Variants in JMJD1C observed in about 807,000 individuals in gnomAD.
JMJD1C encodes jumonji domain-containing protein 1C.
In JMJD1C, 31 loss-of-function variants were observed where a neutral mutation model predicts 245.3. The ratio of observed to expected loss-of-function variants is 0.13; its 90% CI spans 0.09 to 0.17. The LOEUF is 0.17. JMJD1C is among the 10% of genes least tolerant of loss of function. JMJD1C has a pLI of 1.00. For missense variants in JMJD1C, 2,691 were observed against 3,000.2 expected (o/e 0.90, Z 2.41); for synonymous variants, 1,057 against 1,017.4 (o/e 1.04, Z -0.74).
upstream of JMJD1C, among the ~76,000 whole-genome samples, chr10:63,469,651 A>G (rs1373394462): frequency 6.6e-6 from 1 of 152,194 alleles, no homozygotes; most frequent in Non-Finnish European, 1.5e-5. Flanking sequence ...TATTTAATTA[A>G]GGAACTATCA....
intron 1 of JMJD1C, among the ~76,000 whole-genome samples, chr10:63,516,021 A>G (rs1329805677): frequency 6.8e-6 from 1 of 146,308 alleles, no homozygotes; most frequent in Non-Finnish European, 1.6e-5. Flanking sequence ...CAAGAATATA[A>G]TACCTTTATC....
intron 2 of JMJD1C, among the ~76,000 whole-genome samples, chr10:63,272,256 C>G (rs924560548): frequency 6.6e-6 from 1 of 151,834 alleles, no homozygotes; most frequent in African/African-American, 2.4e-5. Flanking sequence ...CAGAAGGTAA[C>G]TTTATTTTTT....
intron 1 of JMJD1C, among the ~76,000 whole-genome samples, chr10:63,513,678 C>T (rs951202852): frequency 2.0e-5 from 3 of 152,072 alleles, no homozygotes; most frequent in Non-Finnish European, 4.4e-5. Context: ...TTTGGGAGGC[C>T]GAGACAGGCG....
At chr10:63,242,874 C>CAT (rs1851660950) in intron 3 of JMJD1C, among the ~76,000 whole-genome samples, 1 of 151,758 alleles carries the variant, frequency 6.6e-6, no homozygotes, top group Non-Finnish European at 1.5e-5. Flanking sequence ...AAAGTGTTTT[C>CAT]ATATATATTA....
chr10:63,287,935 C>T (rs548828841), intron 2 of JMJD1C, among the ~76,000 whole-genome samples: 73 of 152,148 alleles, frequency 4.8e-4, no homozygotes, highest in African/African-American at 1.2e-3. Flanking sequence ...TCAGTAGAGA[C>T]GGAGTTTTGC....
At position 63,176,301 on chromosome 10, in the gene JMJD1C, T is replaced by C. The variant is rs765036001; in HGVS notation, c.7397A>G (p.His2466Arg). ...TAGAAATAAGTTTGTATATACCTGA[T>C]GAAGTGCTCCCGCTGGCAAAACAAT... ...DAIVLPAGAL[H>R]QVQNFHSCIQ... The change falls in exon 24 of 26, where the codon CAT (histidine) becomes CGT (arginine). Residue 2466 changes from histidine to arginine, a missense_variant. Physicochemically the swap from His to Arg is conservative, Grantham distance 29. This residue lies in a region of JMJD1C where 232 missense variants were observed against 416.1 expected (regional missense o/e 0.56). Coordinates refer to ENST00000399262, the MANE Select transcript of JMJD1C (RefSeq NM_032776.3). 1.1e-5 allele frequency: 17 copies of C among 1,610,928 alleles called. No individual in the cohort carries two copies. Among genetic ancestry groups the C allele is most frequent in the Non-Finnish European group, 1.3e-5 (15 of 1,178,438 alleles).
At chr10:63,195,309 G>GC (rs1297268427) in intron 13 of JMJD1C, among the ~76,000 whole-genome samples, 2 of 148,836 alleles carry the variant, frequency 1.3e-5, no homozygotes, top group Non-Finnish European at 1.5e-5. Flanking sequence ...AGCCGAGATC[G>GC]CGCCATTGCA....
chr10:63,359,333 T>C (rs1465854616), intron 2 of JMJD1C, among the ~76,000 whole-genome samples: 1 of 152,264 alleles, frequency 6.6e-6, no homozygotes, highest in Non-Finnish European at 1.5e-5. Context: ...ACATATTATG[T>C]TCATACATTT....
chr10:63,434,642 C>T (rs577313651), intron 1 of JMJD1C, among the ~76,000 whole-genome samples: 4 of 152,040 alleles, frequency 2.6e-5, no homozygotes, highest in Non-Finnish European at 5.9e-5. Flanking sequence ...CTTTGGGAGG[C>T]CAAGGCGGGA....
intron 1 of JMJD1C, among the ~76,000 whole-genome samples, chr10:63,418,557 C>T (rs1033802296): frequency 6.6e-6 from 1 of 152,098 alleles, no homozygotes. Flanking sequence ...TTTCTTAAAG[C>T]CATGCCAAAA....
chr10:63,442,715 T>C (rs1164948019), intron 1 of JMJD1C, among the ~76,000 whole-genome samples: 1 of 152,196 alleles, frequency 6.6e-6, no homozygotes, highest in Non-Finnish European at 1.5e-5. Flanking sequence ...CTCTTACCCA[T>C]CCTTTATATA....
intron 2 of JMJD1C, among the ~76,000 whole-genome samples, chr10:63,376,871 C>A (rs1298522683): frequency 6.6e-6 from 1 of 152,090 alleles, no homozygotes; most frequent in East Asian, 1.9e-4. Flanking sequence ...GAAAGTGCCT[C>A]AAAAAATTAA....
At chr10:63,241,533 T>TA (rs981037781) in intron 3 of JMJD1C, among the ~76,000 whole-genome samples, 1 of 152,172 alleles carries the variant, frequency 6.6e-6, no homozygotes, top group Non-Finnish European at 1.5e-5. Flanking sequence ...TTAATCAGAA[T>TA]AAAAAATAAA....
intron 2 of JMJD1C, among the ~76,000 whole-genome samples, chr10:63,291,094 T>TA (rs965956525): frequency 7.2e-6 from 1 of 138,666 alleles, no homozygotes; most frequent in Non-Finnish European, 1.6e-5. Flanking sequence ...ATCACGAGGT[T>TA]AGGAGTTCAA....
intron 1 of JMJD1C, among the ~76,000 whole-genome samples, chr10:63,458,717 T>TC (rs1952578298): frequency 4.2e-4 from 2 of 4,742 alleles, no homozygotes; most frequent in African/African-American, 1.3e-3. Context: ...ATATAGCTTT[T>TC]TTTTTATTTA....
At chr10:63,195,311 G>A (rs1231225041) in intron 13 of JMJD1C, among the ~76,000 whole-genome samples, 3 of 146,050 alleles carry the variant, frequency 2.1e-5, no homozygotes, top group Non-Finnish European at 4.5e-5. Flanking sequence ...CCGAGATCGC[G>A]CCATTGCACT....
At chr10:63,312,106 T>C (rs974399708) in intron 2 of JMJD1C, among the ~76,000 whole-genome samples, 6 of 112,482 alleles carry the variant, frequency 5.3e-5, no homozygotes, top group Non-Finnish European at 1.3e-4. Context: ...TTTTTTTTTT[T>C]TTTTTTTTTT....
chr10:63,422,571 A>G (rs1950185061), intron 1 of JMJD1C, among the ~76,000 whole-genome samples: 2 of 152,190 alleles, frequency 1.3e-5, no homozygotes, highest in Admixed American at 6.5e-5. Context: ...CATTAATTCT[A>G]ATCATATATA....
rs1844746690 is a variant in JMJD1C at position 63,191,126 on chromosome 10, A to G, written c.6077-18T>C. ...TTTGTTTTCTGAAATAGAAAATTTC[A>G]CAGATTTTGTTTTGTTTTGTTTTGA... On this transcript the variant is annotated intron_variant, in intron 16 of 25. Transcript: ENST00000399262. The G allele has an allele frequency of 3.8e-6, 6 of 1,591,034 alleles. No individual in the cohort carries two copies. The highest frequency in any genetic ancestry group is 5.2e-6 in the Non-Finnish European group (6 of 1,159,812).
Sources: allele counts gnomAD v4.1 joint callset (sites outside exome capture counted in the v4.1 genomes callset), GRCh38; gene constraint gnomAD v4.1.1; regional missense constraint gnomAD v4.1.1; transcripts MANE v1.5; gene names NCBI Gene and HGNC (gene_info 2026-07-23, HGNC 2026-07-21).